C9orf85: variants seen among roughly 807,000 people sequenced by gnomAD.
C9orf85 encodes the protein chromosome 9 open reading frame 85, also known as uncharacterized protein C9orf85.
Under a neutral mutation model 14.9 loss-of-function variants are expected in C9orf85, and 16 were observed. The observed-to-expected ratio is 1.08, with a 90% CI of 0.73 to 1.63. The LOEUF (loss-of-function observed/expected upper bound fraction) is 1.63, where lower values mean the gene tolerates loss of function less well. C9orf85 is among the 40% of genes most tolerant of loss of function. The pLI, the probability that C9orf85 is intolerant of heterozygous loss-of-function variation, is 0.00. For missense variants in C9orf85, 172 were observed against 186.1 expected (o/e 0.92, Z 0.44); for synonymous variants, 45 against 56.8 (o/e 0.79, Z 0.93).
intron 3 of C9orf85, among the ~76,000 whole-genome samples, chr9:71,978,853 G>C (rs561404723): frequency 1.3e-5 from 2 of 152,292 alleles, no homozygotes; most frequent in East Asian, 3.9e-4. Context: ...GGCCAACATG[G>C]TGAAACCCCG....
chr9:71,952,872 TA>T (rs5898242), intron 2 of C9orf85, among the ~76,000 whole-genome samples: 18 of 147,944 alleles, frequency 1.2e-4, no homozygotes, highest in African/African-American at 3.9e-4. Flanking sequence ...CTCTACCTAT[TA>T]AAAAAAAAAA....
intron 2 of C9orf85, among the ~76,000 whole-genome samples, chr9:71,950,852 A>G (rs1025889724): frequency 2.0e-5 from 3 of 152,182 alleles, no homozygotes; most frequent in South Asian, 2.1e-4. Flanking sequence ...TTTATAAGTG[A>G]CATTTCTTTT....
At chr9:71,968,123 A>G (rs981565473) in intron 2 of C9orf85, among the ~76,000 whole-genome samples, 1 of 120,632 alleles carries the variant, frequency 8.3e-6, no homozygotes, top group Non-Finnish European at 1.8e-5. Flanking sequence ...GAGAGAGTGC[A>G]TGCAAGAGAA....
chr9:71,953,139 C>T (rs531940205), intron 2 of C9orf85, among the ~76,000 whole-genome samples: 11 of 152,058 alleles, frequency 7.2e-5, no homozygotes, highest in Non-Finnish European at 1.5e-4. Context: ...GTTCACAAGA[C>T]GGCCCGCCAC....
At chr9:71,920,555 G>T (rs2132253459) in intron 1 of C9orf85, among the ~76,000 whole-genome samples, 1 of 152,254 alleles carries the variant, frequency 6.6e-6, no homozygotes, top group East Asian at 1.9e-4. Context: ...TTGGGGTTGA[G>T]AGTTACAAGC....
chr9:71,976,433 C>T (rs1049028717), downstream of C9orf85, among the ~76,000 whole-genome samples: 1 of 152,014 alleles, frequency 6.6e-6, no homozygotes, highest in African/African-American at 2.4e-5. Context: ...GAGGCCGAGG[C>T]GGGTGGATCA....
chr9:71,934,387 C>A (rs1828140098), intron 1 of C9orf85, among the ~76,000 whole-genome samples: 1 of 152,178 alleles, frequency 6.6e-6, no homozygotes, highest in Admixed American at 6.6e-5. Flanking sequence ...CAGGCATGAG[C>A]TGCCCAGTTC....
At chr9:71,935,560 G>A (rs751603584) in intron 1 of C9orf85, among the ~76,000 whole-genome samples, 1 of 150,754 alleles carries the variant, frequency 6.6e-6, no homozygotes, top group Non-Finnish European at 1.5e-5. Context: ...GGGATACTGA[G>A]ACAAGAGGAT....
intron 1 of C9orf85, among the ~76,000 whole-genome samples, chr9:71,924,519 A>G (rs1015264613): frequency 1.3e-5 from 2 of 152,226 alleles, no homozygotes; most frequent in Non-Finnish European, 2.9e-5. Context: ...ATGGTCCATC[A>G]GCAGTAGAAT....
At chr9:71,935,627 C>T (rs1287209912) in intron 1 of C9orf85, among the ~76,000 whole-genome samples, 10 of 145,604 alleles carry the variant, frequency 6.9e-5, no homozygotes, top group African/African-American at 1.3e-4. Flanking sequence ...CCCTGCCCCC[C>T]GACCCAAAAA....
intron 1 of C9orf85, among the ~76,000 whole-genome samples, chr9:71,928,501 A>G (rs904192451): frequency 3.3e-5 from 5 of 152,176 alleles, no homozygotes; most frequent in Non-Finnish European, 4.4e-5. Flanking sequence ...TCCTGTAGAC[A>G]ATAAAGAGAT....
chr9:71,983,430 G>A (rs1823142917), downstream of C9orf85: 1 of 152,112 alleles, frequency 6.6e-6, no homozygotes, highest in African/African-American at 2.4e-5. Context: ...ATATATTCTA[G>A]ATACAAGTCC....
chr9:71,949,606 A>G (rs1822194859), intron 2 of C9orf85, among the ~76,000 whole-genome samples: 1 of 152,244 alleles, frequency 6.6e-6, no homozygotes, highest in African/African-American at 2.4e-5. Context: ...AAAAATATAC[A>G]GATTTATTTA....
intron 1 of C9orf85, among the ~76,000 whole-genome samples, chr9:71,938,472 AT>A (rs1209862946): frequency 3.3e-5 from 5 of 152,048 alleles, no homozygotes; most frequent in Non-Finnish European, 5.9e-5. Flanking sequence ...TGTATACTTT[AT>A]TATAATAGCA....
At chr9:71,961,138 C>G (rs559678833) in intron 2 of C9orf85, among the ~76,000 whole-genome samples, 1 of 152,070 alleles carries the variant, frequency 6.6e-6, no homozygotes, top group Non-Finnish European at 1.5e-5. Context: ...TCTCAAACTC[C>G]GGACCTCAGG....
At chr9:71,925,987 G>A (rs1827922348) in intron 1 of C9orf85, among the ~76,000 whole-genome samples, 1 of 152,180 alleles carries the variant, frequency 6.6e-6, no homozygotes, top group Non-Finnish European at 1.5e-5. Flanking sequence ...AAAGAGAAAG[G>A]CAGAGCAGTA....
intron 2 of C9orf85, among the ~76,000 whole-genome samples, chr9:71,960,167 A>G (rs1487977269): frequency 6.6e-6 from 1 of 152,212 alleles, no homozygotes; most frequent in African/African-American, 2.4e-5. Flanking sequence ...TAAAGGTAGA[A>G]GAGTGGTATG....
intron 2 of C9orf85, among the ~76,000 whole-genome samples, chr9:71,960,004 A>T (rs1392852769): frequency 1.3e-5 from 2 of 152,248 alleles, no homozygotes; most frequent in African/African-American, 2.4e-5. Context: ...CCAGGAATTT[A>T]CCATCTATTT....
At chr9:71,960,590 T>G (rs1328006571) in intron 2 of C9orf85, among the ~76,000 whole-genome samples, 3 of 152,228 alleles carry the variant, frequency 2.0e-5, no homozygotes, top group African/African-American at 7.2e-5. Context: ...TTTTGTTTTT[T>G]GAGACAGAGT....
Sources: gnomAD v4.1 joint callset for allele counts (sites outside exome capture counted in the v4.1 genomes callset) on GRCh38, gnomAD v4.1.1 for gene constraint, MANE v1.5 for transcripts, NCBI Gene and HGNC (gene_info 2026-07-23, HGNC 2026-07-21) for gene names.